The following PRKCZ variants were observed in gnomAD, a reference collection of about 807,000 sequenced individuals.
PRKCZ encodes the protein protein kinase C zeta.
A neutral mutation model predicts 79.5 loss-of-function variants in PRKCZ; 33 were observed. The ratio of observed to expected loss-of-function variants is 0.41; its 90% confidence interval spans 0.31 to 0.55. PRKCZ has a LOEUF of 0.55. Ranked by LOEUF, PRKCZ falls within the 20% of genes least tolerant of loss-of-function variation. PRKCZ has a pLI of 0.19. For synonymous variants in PRKCZ, 342 were observed against 320.9 expected (o/e 1.07, Z -0.70); for missense variants, 578 against 813.5 (o/e 0.71, Z 3.52).
rs3820005 is a variant in PRKCZ, at chr1:2,056,605, G to T, written c.283+32G>T. On this transcript the variant is annotated intron_variant, in intron 3 of 17. Transcript: ENST00000378567. ...GGCGGGGTCTGTGGTGGGCAGCTCTGGGGGGCTGTTCCTGGCTGTGGGTGT... is the reference window on the plus strand; with the variant it reads ...GGCGGGGTCTGTGGTGGGCAGCTCTTGGGGGCTGTTCCTGGCTGTGGGTGT... 2.2e-5 allele frequency: 35 copies of T among 1,587,142 alleles called. 1 individual carries two copies. Among genetic ancestry groups the T allele is most frequent in the Middle Eastern group, 3.4e-4 (2 of 5,916 alleles).
chr1:2,103,061 G>A lies in PRKCZ; in HGVS notation c.335-32201G>A, dbSNP rs1667771356. Among the ~76,000 whole-genome samples, 5 of 152,130 alleles carry A rather than the reference G, an allele frequency of 3.3e-5. No homozygotes were observed. In the South Asian group the frequency reaches 1.0e-3, roughly 32 times the overall value. The stretch of plus-strand genomic sequence containing the variant: ...ATTTTTTATTTTTAGTAGAGTTGGG[G>A]GTCTTGATTTGTTACCCAGGCTGGT... On this transcript the variant is annotated intron_variant, in intron 4 of 17. Transcript: ENST00000378567.
intron 5 of PRKCZ, among the ~76,000 whole-genome samples, chr1:2,138,015 G>A (rs752146552): frequency 6.6e-6 from 1 of 152,290 alleles, no homozygotes; most frequent in Non-Finnish European, 1.5e-5. Flanking sequence ...AATTGTGCCC[G>A]GGCTCTGATC....
At chr1:2,142,955 T>G (rs968517838) in intron 5 of PRKCZ, 1 of 152,230 alleles carries the variant, frequency 6.6e-6, no homozygotes, top group Non-Finnish European at 1.5e-5. Context: ...CAGTGCTGTA[T>G]TTTCTCTTCA....
At chr1:2,108,802 G>C (rs891256962) in intron 4 of PRKCZ, among the ~76,000 whole-genome samples, 1 of 152,228 alleles carries the variant, frequency 6.6e-6, no homozygotes, top group Admixed American at 6.5e-5. Context: ...GCCGCCACTG[G>C]GGGGCTTAAA....
rs561118137 is a variant in PRKCZ at position 2,140,925 on chromosome 1, A to G, written c.421-3285A>G. ...GGAGGCTGCAGTGAGCCAAGATCGTACCACTGCACTCCAGCCTGGGGAACA... is the reference window on the plus strand; with the variant it reads ...GGAGGCTGCAGTGAGCCAAGATCGTGCCACTGCACTCCAGCCTGGGGAACA... On this transcript the variant is annotated intron_variant, in intron 5 of 17. Coordinates refer to ENST00000378567, the MANE Select transcript of PRKCZ (RefSeq NM_002744.6). Among the ~76,000 whole-genome samples, 4 of 152,266 alleles carry G rather than the reference A, an allele frequency of 2.6e-5. No homozygotes were observed. The South Asian group carries it at 8.3e-4, about 32-fold the overall frequency.
chr1:2,152,216 G>A lies in PRKCZ; in HGVS notation c.876+1238G>A, dbSNP rs898199720. 3.3e-5 allele frequency among the ~76,000 whole-genome samples: 5 copies of A among 152,094 alleles called. No individual in the cohort carries two copies. The South Asian group carries it at 8.3e-4, about 25-fold the overall frequency. On this transcript the variant is annotated intron_variant, in intron 9 of 17. Coordinates refer to ENST00000378567, the MANE Select transcript of PRKCZ (RefSeq NM_002744.6). ...CTTTTAATTAAAGTAAAATACACAT[G>A]ACATAGAATTTGCCATTTTAAAGTG...
chr1:2,142,797 G>C (rs1019530365), intron 5 of PRKCZ: 1 of 153,626 alleles, frequency 6.5e-6, no homozygotes, highest in African/African-American at 2.4e-5. Flanking sequence ...CAAGTGGGCT[G>C]TGTGGGCGGG....
chr1:2,184,656 C>A lies in PRKCZ; in HGVS notation c.1649C>A (p.Thr550Lys). Residue 550 changes from threonine (T) to lysine (K), a missense_variant, in exon 17 of 18, where the codon ACA (threonine) becomes AAA (lysine). Around this residue, in one of 4 missense-constraint regions of PRKCZ, gnomAD observed 243 missense variants for 467.0 expected, o/e 0.52. Coordinates refer to ENST00000378567, the MANE Select transcript of PRKCZ (RefSeq NM_002744.6). Reference protein sequence around the residue: ...TDDYGLDNFDTQFTSEPVQLT... With the variant: ...TDDYGLDNFDKQFTSEPVQLT... The stretch of plus-strand genomic sequence containing the variant: ...GACTACGGTCTGGACAACTTTGACA[C>A]ACAGTTCACCAGCGAGCCCGTGCAG... The A allele has an allele frequency of 3.1e-6, 5 of 1,614,030 alleles. No homozygotes were observed. Among genetic ancestry groups the A allele is most frequent in the Non-Finnish European group, 3.4e-6 (4 of 1,179,994 alleles).
intron 4 of PRKCZ, among the ~76,000 whole-genome samples, chr1:2,123,831 TCAC>T (rs1220567279): frequency 6.5e-4 from 6 of 9,240 alleles, no homozygotes; most frequent in Non-Finnish European, 6.9e-4. Context: ...GTGGTTAGGG[TCAC>T]GGTGGTGGTT....
At chr1:2,062,604 C>T (rs558302565) in intron 4 of PRKCZ, among the ~76,000 whole-genome samples, 7 of 151,842 alleles carry the variant, frequency 4.6e-5, no homozygotes, top group South Asian at 2.1e-4. Flanking sequence ...GTCCTCATGC[C>T]TCAGCCTCCC....
rs1376446734 is a variant in PRKCZ at position 2,050,653 on chromosome 1, A to G, written c.23A>G (p.Lys8Arg). MPSRTGPKMEGSGGRVRL... is the reference protein window; with the variant it reads MPSRTGPRMEGSGGRVRL... ...GCCATGCCCAGCAGGACCGGCCCCAAGATGGAAGGGAGCGGCGGCCGCGTC... is the reference window on the plus strand; with the variant it reads ...GCCATGCCCAGCAGGACCGGCCCCAGGATGGAAGGGAGCGGCGGCCGCGTC... The change falls in exon 1 of 18, where the codon AAG becomes AGG. Residue 8 changes from lysine to arginine, a missense_variant. Transcript: ENST00000378567. 9 of 1,224,860 alleles carry G rather than the reference A, an allele frequency of 7.3e-6. No homozygotes were observed. The highest frequency in any genetic ancestry group is 9.2e-6 in the Non-Finnish European group (9 of 983,452). 75.9% of individuals were successfully genotyped at this position (1,224,860 alleles called of 1,614,324 possible).
rs183763330 is a variant in PRKCZ, at chr1:2,130,075, T to A, written c.335-5187T>A. ...ACGCCACCACACTCGGCTCATTTTTTATATTTTTTTTATAGAGACGGGGTC... is the reference window on the plus strand; with the variant it reads ...ACGCCACCACACTCGGCTCATTTTTAATATTTTTTTTATAGAGACGGGGTC... On this transcript the variant is annotated intron_variant, in intron 4 of 17. Transcript: ENST00000378567. Among the ~76,000 whole-genome samples the A allele has an allele frequency of 7.5e-3, 1,148 of 152,194 alleles. 11 individuals are homozygous for A. The highest frequency in any genetic ancestry group is 8.9e-3 in the South Asian group (43 of 4,816).
chr1:2,130,638 AG>A (rs1175014933), intron 4 of PRKCZ, among the ~76,000 whole-genome samples: 1 of 152,022 alleles, frequency 6.6e-6, no homozygotes, highest in Non-Finnish European at 1.5e-5. Context: ...CCACAGCCGC[AG>A]CACTGCTGCT....
intron 4 of PRKCZ, among the ~76,000 whole-genome samples, chr1:2,108,045 A>G (rs758852879): frequency 6.6e-6 from 1 of 152,198 alleles, no homozygotes; most frequent in Non-Finnish European, 1.5e-5. Context: ...TGCCAGCCTT[A>G]GGCCTGGGCC....
intron 4 of PRKCZ, among the ~76,000 whole-genome samples, chr1:2,065,644 A>G (rs924715730): frequency 2.1e-5 from 3 of 140,348 alleles, no homozygotes; most frequent in Admixed American, 8.0e-5. Flanking sequence ...GTGCCACTGC[A>G]CTCCTGCCTG....
At chr1:2,121,634 A>ACGGTGGTAGTTAGGGTCATG (rs1671992330) in intron 4 of PRKCZ, among the ~76,000 whole-genome samples, 2 of 12,700 alleles carry the variant, frequency 1.6e-4, no homozygotes, top group African/African-American at 4.8e-4. Flanking sequence ...TTAGGGTCAC[A>ACGGTGGTAGTTAGGGTCATG]GTGGTAGTTA....
upstream of PRKCZ, chr1:2,050,067 C>A (rs1659494131): frequency 6.6e-6 from 1 of 152,290 alleles, no homozygotes; most frequent in Non-Finnish European, 1.5e-5. Context: ...GCGCGCGCCG[C>A]AGGAGTTTCG....
intron 4 of PRKCZ, among the ~76,000 whole-genome samples, chr1:2,100,472 G>A (rs1431269330): frequency 6.6e-6 from 1 of 152,202 alleles, no homozygotes; most frequent in African/African-American, 2.4e-5. Flanking sequence ...TAAATGCTGT[G>A]TCCTCTCCCC....
intron 4 of PRKCZ, among the ~76,000 whole-genome samples, chr1:2,102,780 A>G (rs965715573): frequency 6.6e-6 from 1 of 152,150 alleles, no homozygotes; most frequent in Non-Finnish European, 1.5e-5. Context: ...TGCGTCACGG[A>G]TTGGTTCAGA....
Sources: gnomAD v4.1 joint callset for allele counts (sites outside exome capture counted in the v4.1 genomes callset) on GRCh38, gnomAD v4.1.1 for gene constraint, gnomAD v4.1.1 regional missense constraint, MANE v1.5 for transcripts, NCBI Gene and HGNC (gene_info 2026-07-23, HGNC 2026-07-21) for gene names.